Variants in CLASP2 observed in about 807,000 individuals in gnomAD.
CLASP2 encodes CLIP-associating protein 2.
Under a neutral mutation model 194.4 loss-of-function variants are expected in CLASP2, and 47 were observed. The ratio of observed to expected loss-of-function variants is 0.24; its 90% CI spans 0.19 to 0.31. The LOEUF is 0.31. Among genes scored for constraint, CLASP2 ranks in the 10% least tolerant of loss-of-function variants. CLASP2 has a pLI of 1.00. For missense variants in CLASP2, 1,445 were observed against 1,823.6 expected (o/e 0.79, Z 3.78); for synonymous variants, 619 against 633.5 (o/e 0.98, Z 0.34).
At chr3:33,585,672 G>C (rs1286825228) in intron 21 of CLASP2, among the ~76,000 whole-genome samples, 1 of 152,078 alleles carries the variant, frequency 6.6e-6, no homozygotes, top group East Asian at 1.9e-4. Flanking sequence ...TGGTGCACCT[G>C]TCACCCGAAC....
intron 13 of CLASP2, among the ~76,000 whole-genome samples, 199 bp from the exon 14 acceptor site, chr3:33,608,825 T>C (rs1297111041): frequency 6.9e-6 from 1 of 143,968 alleles, no homozygotes; most frequent in African/African-American, 2.6e-5. Context: ...CGATCTCGGC[T>C]CACTGCAACC....
intron 34 of CLASP2, among the ~76,000 whole-genome samples, chr3:33,522,617 T>A (rs2053443803): frequency 6.6e-6 from 1 of 152,132 alleles, no homozygotes; most frequent in Non-Finnish European, 1.5e-5. Flanking sequence ...AGACAAAGAT[T>A]TTAAAATACC....
intron 33 of CLASP2, among the ~76,000 whole-genome samples, chr3:33,536,826 G>A (rs899637536): frequency 1.3e-5 from 2 of 152,196 alleles, no homozygotes; most frequent in African/African-American, 4.8e-5. Flanking sequence ...GACAGATTTG[G>A]TATGGAGGAT....
rs2090758579 is a variant in CLASP2 at position 33,687,008 on chromosome 3, A to G, written c.546+52T>C. On this transcript the variant is annotated intron_variant, in intron 5 of 38. Transcript: ENST00000682230. ...AAAAATAGAATAAGAGGACTAGAAA[A>G]GAAATGGTAGCCAAAAAATCAGTCA... 9 of 1,052,278 alleles carry G rather than the reference A, an allele frequency of 8.6e-6. No individual in the cohort carries two copies. In the East Asian group the frequency reaches 2.2e-4, roughly 26 times the overall value. 65.2% of individuals were successfully genotyped at this position (1,052,278 alleles called of 1,614,324 possible).
intron 7 of CLASP2, among the ~76,000 whole-genome samples, chr3:33,656,084 T>C (rs1280907441): frequency 2.0e-5 from 3 of 152,304 alleles, no homozygotes; most frequent in East Asian, 1.9e-4. Context: ...TCTGACTACT[T>C]GATTTAATAC....
chr3:33,574,430 A>T (rs1305122146), intron 24 of CLASP2: 1 of 1,297,184 alleles, frequency 7.7e-7, no homozygotes, highest in Non-Finnish European at 1.0e-6. Context: ...AAGAAAAAAA[A>T]GTTATGGTAT....
intron 2 of CLASP2, among the ~76,000 whole-genome samples, chr3:33,693,622 A>G (rs1289771470): frequency 1.1e-4 from 16 of 152,188 alleles, no homozygotes. Flanking sequence ...TATGTAAAGT[A>G]GTAAAAGGGT....
At chr3:33,534,522 G>A (rs140694742) in intron 34 of CLASP2, among the ~76,000 whole-genome samples, 35 of 152,320 alleles carry the variant, frequency 2.3e-4, no homozygotes, top group East Asian at 1.5e-3. Flanking sequence ...AGCTATGTTT[G>A]AGCGACTACA....
intron 13 of CLASP2, among the ~76,000 whole-genome samples, chr3:33,610,759 T>C (rs570549749): frequency 5.3e-4 from 81 of 152,306 alleles, no homozygotes; most frequent in Non-Finnish European, 9.3e-4. Context: ...AACCAGACTA[T>C]TGGCCACATT....
intron 10 of CLASP2, among the ~76,000 whole-genome samples, chr3:33,624,160 T>C (rs9809240): frequency 0.43 from 65,555 of 151,960 alleles, 14,425 homozygotes; most frequent in Admixed American, 0.52. Context: ...CATACACACT[T>C]AGAAGCTAAA....
intron 37 of CLASP2, among the ~76,000 whole-genome samples, chr3:33,505,672 T>G (rs1485852078): frequency 6.6e-6 from 1 of 152,226 alleles, no homozygotes; most frequent in Non-Finnish European, 1.5e-5. Flanking sequence ...GGGATTAGAC[T>G]AATAACATCT....
chr3:33,569,682 G>C (rs1295232503), intron 26 of CLASP2, among the ~76,000 whole-genome samples: 1 of 151,960 alleles, frequency 6.6e-6, no homozygotes, highest in Non-Finnish European at 1.5e-5. Context: ...TTTCTTCTTT[G>C]TCTTTTAATG....
rs184625467 is a variant in CLASP2 at position 33,553,631 on chromosome 3, G to A, written c.3010-2236C>T. 5.3e-3 allele frequency among the ~76,000 whole-genome samples: 801 copies of A among 152,270 alleles called. 6 individuals are homozygous for A. The highest frequency in any genetic ancestry group is 0.018 in the African/African-American group (764 of 41,552). On this transcript the variant is annotated intron_variant, in intron 29 of 38. Transcript: ENST00000682230. ...CAATATCAGTATTCATCAGGGAAAG[G>A]CAAACTAAAACCACATTTGAGATAT...
Position 33,718,070 on chromosome 3 carries a change from C to G in CLASP2, c.-68G>C, listed in dbSNP as rs1034203961. The G allele has an allele frequency of 7.1e-7, 1 of 1,406,588 alleles. No homozygotes were observed. Among genetic ancestry groups the G allele is most frequent in the African/African-American group, 1.5e-5 (1 of 65,944 alleles). 87.1% of individuals were successfully genotyped at this position (1,406,588 alleles called of 1,614,324 possible). A position where few individuals can be genotyped will look rare whatever the true frequency, so the allele number is the denominator to read the frequency against. ...CTTTCGCCGAGAGCCGCCCAGCCTCCAGTGCGGGTCCCCGCGGGAGCGGGC... is the reference window on the plus strand; with the variant it reads ...CTTTCGCCGAGAGCCGCCCAGCCTCGAGTGCGGGTCCCCGCGGGAGCGGGC... On this transcript the variant is annotated 5_prime_UTR_variant, in exon 1 of 39. Coordinates refer to ENST00000682230, the MANE Select transcript of CLASP2 (RefSeq NM_001365631.1).
intron 29 of CLASP2, chr3:33,559,064 T>C (rs184711263): frequency 1.7e-6 from 1 of 587,478 alleles, no homozygotes. Context: ...TGAATACAGA[T>C]GCAAACACTG....
At chr3:33,665,695 A>G (rs2086059042) in intron 6 of CLASP2, among the ~76,000 whole-genome samples, 1 of 152,226 alleles carries the variant, frequency 6.6e-6, no homozygotes, top group African/African-American at 2.4e-5. Context: ...ACTTATCTTT[A>G]AAGCAAACAA....
At chr3:33,632,687 A>C (rs941164038) in intron 8 of CLASP2, among the ~76,000 whole-genome samples, 1 of 152,242 alleles carries the variant, frequency 6.6e-6, no homozygotes, top group Non-Finnish European at 1.5e-5. Flanking sequence ...ACATTTTAAA[A>C]GTTGAACAGC....
intron 25 of CLASP2, among the ~76,000 whole-genome samples, chr3:33,572,205 C>A (rs2063912641): frequency 6.6e-6 from 1 of 152,118 alleles, no homozygotes; most frequent in African/African-American, 2.4e-5. Context: ...TAAAATCATT[C>A]TAAACTATGC....
chr3:33,649,588 A>ATT (rs897982010), intron 7 of CLASP2, among the ~76,000 whole-genome samples: 1 of 152,240 alleles, frequency 6.6e-6, no homozygotes, highest in Non-Finnish European at 1.5e-5. Context: ...ATAGTAAAAA[A>ATT]TACAAGGATA....
Sources: allele counts gnomAD v4.1 joint callset (sites outside exome capture counted in the v4.1 genomes callset), GRCh38; gene constraint gnomAD v4.1.1; transcripts MANE v1.5; gene names NCBI Gene and HGNC (gene_info 2026-07-23, HGNC 2026-07-21).